Variants in PIEZO2 observed in about 807,000 individuals in gnomAD.
PIEZO2 encodes the protein piezo-type mechanosensitive ion channel component 2.
In PIEZO2, 172 loss-of-function variants were observed where a neutral mutation model predicts 337.3. The observed-to-expected ratio is 0.51, with a 90% CI of 0.45 to 0.58. PIEZO2 has a LOEUF of 0.58. PIEZO2 is among the 20% of genes least tolerant of loss of function. PIEZO2 has a pLI of 0.00. For synonymous variants in PIEZO2, 1,251 were observed against 1,228.5 expected (o/e 1.02, Z -0.38); for missense variants, 3,028 against 3,391.3 (o/e 0.89, Z 2.66).
intron 1 of PIEZO2, among the ~76,000 whole-genome samples, chr18:11,108,277 A>G (rs1260393582): frequency 2.0e-5 from 3 of 152,218 alleles, no homozygotes; most frequent in East Asian, 3.9e-4. Context: ...AGATCACAGT[A>G]TAATCAGCTG....
chr18:10,855,420 T>C lies in PIEZO2; in HGVS notation c.850A>G (p.Ile284Val). ...LLAIFTAGHL[I>V]GLYLYQFQFF... ...TGGAACTGGTATAAATAAAGTCCAA[T>C]CAAATGTCCAGCAGTGAAAATAGCC... Residue 284 changes from isoleucine to valine, a missense_variant, in exon 7 of 56, where the codon ATT (isoleucine) becomes GTT (valine). Ile to Val is a conservative substitution (Grantham distance 29, BLOSUM62 3). Around this residue, in one of 5 missense-constraint regions of PIEZO2, gnomAD observed 542 missense variants for 605.6 expected, o/e 0.89. Coordinates refer to ENST00000674853, the MANE Select transcript of PIEZO2 (RefSeq NM_001378183.1). This position sits in a 1 kb window ranked among gnomAD's most constrained non-coding sequence, Gnocchi z 4.9. The C allele has an allele frequency of 6.5e-7, 1 of 1,537,070 alleles. No homozygotes were observed. Among genetic ancestry groups the C allele is most frequent in the Non-Finnish European group, 8.7e-7 (1 of 1,146,862 alleles).
At chr18:10,938,245 T>C (rs2032515077) in intron 3 of PIEZO2, among the ~76,000 whole-genome samples, 2 of 152,228 alleles carry the variant, frequency 1.3e-5, no homozygotes, top group Admixed American at 1.3e-4. Context: ...GGGATGGGGT[T>C]ACTAAGACTG....
intron 1 of PIEZO2, among the ~76,000 whole-genome samples, chr18:11,124,041 C>A (rs969095475): frequency 3.3e-5 from 5 of 152,150 alleles, no homozygotes; most frequent in Admixed American, 6.5e-5. Context: ...AAAACACATA[C>A]CATTTTTACT....
intron 1 of PIEZO2, among the ~76,000 whole-genome samples, chr18:11,124,839 G>C (rs2040136810): frequency 1.3e-5 from 2 of 152,256 alleles, no homozygotes; most frequent in East Asian, 3.9e-4. Flanking sequence ...ATCGTACATG[G>C]TCAGATTTTC....
rs1033578989 is a variant in PIEZO2 at position 11,131,601 on chromosome 18, C to T, written c.64+16924G>A. On this transcript the variant is annotated intron_variant, in intron 1 of 55. Coordinates refer to ENST00000674853, the MANE Select transcript of PIEZO2 (RefSeq NM_001378183.1). This position sits in a 1 kb window ranked among gnomAD's most constrained non-coding sequence, Gnocchi z 5.3. ...TTCGAGCCATGCACCTGGCTGTGCA[C>T]GTTGCATGGAAGAAGAAATGGCCAG... Among the ~76,000 whole-genome samples the T allele has an allele frequency of 2.0e-5, 3 of 152,128 alleles. No individual in the cohort carries two copies. The highest frequency in any genetic ancestry group is 1.9e-4 in the East Asian group (1 of 5,186).
At chr18:10,839,096 C>T (rs1457459257) in intron 7 of PIEZO2, among the ~76,000 whole-genome samples, 1 of 152,206 alleles carries the variant, frequency 6.6e-6, no homozygotes, top group Admixed American at 6.5e-5. Flanking sequence ...TGTCAACCAA[C>T]AGCTCTGCAA....
intron 2 of PIEZO2, among the ~76,000 whole-genome samples, chr18:11,044,858 A>G (rs2145823028): frequency 6.6e-6 from 1 of 152,262 alleles, no homozygotes; most frequent in Non-Finnish European, 1.5e-5. Context: ...GTTTTAAAGA[A>G]AATGTATTGG....
In PIEZO2 at chr18:10,873,446, A is replaced by C. The variant is rs188254990; in HGVS notation, c.330-2031T>G. 6.6e-5 allele frequency among the ~76,000 whole-genome samples: 10 copies of C among 152,298 alleles called. No individual in the cohort carries two copies. The East Asian group carries it at 1.9e-3, about 29-fold the overall frequency. ...ACCGCTTTCCCATGTATGTATCCAC[A>C]TGGCCTTCCTTTCCAATCTTCCTTC... On this transcript the variant is annotated intron_variant, in intron 4 of 55. Transcript: ENST00000674853.
At chr18:10,832,329 G>A (rs533732134) in intron 7 of PIEZO2, among the ~76,000 whole-genome samples, 1 of 152,138 alleles carries the variant, frequency 6.6e-6, no homozygotes, top group Admixed American at 6.5e-5. Flanking sequence ...TTAGGGGAAG[G>A]GGGGGATATA....
rs2039447747 is a variant in PIEZO2 at position 11,102,453 on chromosome 18, C to T, written c.65-36231G>A. Among the ~76,000 whole-genome samples, 1 of 152,216 alleles carries T rather than the reference C, an allele frequency of 6.6e-6. No homozygotes were observed. Among genetic ancestry groups the T allele is most frequent in the East Asian group, 1.9e-4 (1 of 5,194 alleles). ...AGATCGAATCTCACCCTGTCCCCCA[C>T]CAGGCTGGTGCAGTGGCAGGTGGCC... On this transcript the variant is annotated intron_variant, in intron 1 of 55. Coordinates refer to ENST00000674853, the MANE Select transcript of PIEZO2 (RefSeq NM_001378183.1). The surrounding 1 kb of genome is among the most constrained non-coding windows in gnomAD (Gnocchi z 5.7).
intron 5 of PIEZO2, among the ~76,000 whole-genome samples, chr18:10,858,322 A>C (rs1442179654): frequency 4.7e-4 from 6 of 12,890 alleles, no homozygotes; most frequent in African/African-American, 1.9e-3. Context: ...ACTTCAACCC[A>C]AAAAAAAAAA....
At chr18:10,785,713 A>G (rs990138800) in intron 16 of PIEZO2, among the ~76,000 whole-genome samples, 4 of 151,368 alleles carry the variant, frequency 2.6e-5, no homozygotes. Context: ...TGAATTGCCC[A>G]CTCCTGTTAT....
chr18:10,723,474 G>C (rs573726007), intron 36 of PIEZO2, among the ~76,000 whole-genome samples: 2 of 152,330 alleles, frequency 1.3e-5, no homozygotes, highest in South Asian at 2.1e-4. Context: ...GATGGAGGGA[G>C]ATGTAGTGGG....
At chr18:11,090,704 GATCAAGA>G (rs2039049333) in intron 1 of PIEZO2, among the ~76,000 whole-genome samples, 1 of 152,150 alleles carries the variant, frequency 6.6e-6, no homozygotes, top group Non-Finnish European at 1.5e-5. Context: ...GAGGTCAGGA[GATCAAGA>G]CCATCCTGGC....
chr18:10,739,636 T>G (rs2037140089), intron 33 of PIEZO2: 1 of 152,208 alleles, frequency 6.6e-6, no homozygotes, highest in African/African-American at 2.4e-5. Flanking sequence ...ATTTGTGCAC[T>G]GCATTTACCA....
At chr18:11,030,034 A>G (rs2036674948) in intron 2 of PIEZO2, among the ~76,000 whole-genome samples, 1 of 152,226 alleles carries the variant, frequency 6.6e-6, no homozygotes, top group Non-Finnish European at 1.5e-5. Context: ...TTTAAGTAAT[A>G]TAAGAAGGCA....
intron 1 of PIEZO2, among the ~76,000 whole-genome samples, chr18:11,093,639 T>C (rs376609484): frequency 5.3e-5 from 7 of 133,086 alleles, no homozygotes; most frequent in East Asian, 4.9e-4. Flanking sequence ...CAGGCTGGAG[T>C]GCAGTGGCGC....
rs1017930084 is a variant in PIEZO2, at chr18:11,021,247, G to A, written c.161-41587C>T. ...AACAGTGCTAGTCACAGGTGTCAAG[G>A]AGACAGCTAATCTCCCTGGAAAGAA... On this transcript the variant is annotated intron_variant, in intron 2 of 55. Coordinates refer to ENST00000674853, the MANE Select transcript of PIEZO2 (RefSeq NM_001378183.1). The surrounding 1 kb of genome is among the most constrained non-coding windows in gnomAD (Gnocchi z 4.7). Among the ~76,000 whole-genome samples the A allele has an allele frequency of 5.9e-5, 9 of 152,296 alleles. No homozygotes were observed. The highest frequency in any genetic ancestry group is 2.1e-4 in the South Asian group (1 of 4,818).
In PIEZO2 at chr18:10,819,677, C is replaced by T. The variant is rs1023458838; in HGVS notation, c.918-12403G>A. Among the ~76,000 whole-genome samples the T allele has an allele frequency of 1.3e-5, 2 of 152,096 alleles. No homozygotes were observed. The highest frequency in any genetic ancestry group is 2.9e-5 in the Non-Finnish European group (2 of 68,016). The stretch of plus-strand genomic sequence containing the variant: ...ACCTTCATGCTTGTTCTCTCACGGT[C>T]GCAAGAAACTGCTGCAGCTTCTTAC... On this transcript the variant is annotated intron_variant, in intron 7 of 55. Transcript: ENST00000674853. The surrounding 1 kb of genome is among the most constrained non-coding windows in gnomAD (Gnocchi z 4.3).
Sources: allele counts gnomAD v4.1 joint callset (sites outside exome capture counted in the v4.1 genomes callset), GRCh38; gene constraint gnomAD v4.1.1; regional missense constraint gnomAD v4.1.1; non-coding constraint Gnocchi (gnomAD v3.1); transcripts MANE v1.5; gene names NCBI Gene and HGNC (gene_info 2026-07-23, HGNC 2026-07-21).